Variants in CAMKK1 observed in about 807,000 individuals in gnomAD.
CAMKK1 encodes calcium/calmodulin dependent protein kinase kinase 1.
CAMKK1 carries 20 observed loss-of-function variants against 63.5 expected under a neutral mutation model. That is an observed-to-expected ratio of 0.32 (90% CI 0.22 to 0.46). The LOEUF (loss-of-function observed/expected upper bound fraction) is 0.46. Among genes scored for constraint, CAMKK1 ranks in the 20% least tolerant of loss-of-function variants. The probability of loss-of-function intolerance (pLI) is 1.00; values close to 1 mark genes in which losing one functional copy is unlikely to be tolerated. For synonymous variants in CAMKK1, 253 were observed against 269.0 expected (o/e 0.94, Z 0.58); for missense variants, 588 against 658.1 (o/e 0.89, Z 1.17).
chr17:3,868,691 CAA>C, intron 14 of CAMKK1, among the ~76,000 whole-genome samples: 2 of 151,846 alleles, frequency 1.3e-5, no homozygotes, highest in Non-Finnish European at 2.9e-5. Context: ...CTCGTTCTGT[CAA>C]CCAGGCTGGA....
chr17:3,867,701 G>T (rs2143791818), intron 14 of CAMKK1, among the ~76,000 whole-genome samples: 1 of 152,210 alleles, frequency 6.6e-6, no homozygotes, highest in East Asian at 1.9e-4. Context: ...TCCCAGCTGG[G>T]CCGGGACCCT....
rs373608654 is a variant in CAMKK1, at chr17:3,866,162, G to A, written c.1342-151C>T. 165 of 915,662 alleles carry A rather than the reference G, an allele frequency of 1.8e-4. 2 individuals are homozygous for A. The highest frequency in any genetic ancestry group is 1.5e-3 in the African/African-American group (90 of 60,334). The allele number at this position is 915,662 out of a possible 1,614,324, so 56.7% of individuals were successfully genotyped here. A position where few individuals can be genotyped will look rare whatever the true frequency, so the allele number is the denominator to read the frequency against. Reference sequence around the variant, plus strand: ...CATGAAATGGCAGAGGCAAGAACACGGGGCGCTGGCAGCTGGGGGCATATT... The same window carrying A: ...CATGAAATGGCAGAGGCAAGAACACAGGGCGCTGGCAGCTGGGGGCATATT... On this transcript the variant is annotated intron_variant, in intron 14 of 15. Transcript: ENST00000348335.
At chr17:3,888,846 C>T (rs934456115) in intron 1 of CAMKK1, among the ~76,000 whole-genome samples, 2 of 152,076 alleles carry the variant, frequency 1.3e-5, no homozygotes, top group Non-Finnish European at 1.5e-5. Flanking sequence ...GCCCCGGCCG[C>T]GTGTGTGAGG....
intron 12 of CAMKK1, among the ~76,000 whole-genome samples, chr17:3,870,466 T>G: frequency 6.6e-6 from 1 of 151,758 alleles, no homozygotes; most frequent in East Asian, 1.9e-4. Context: ...CCCAGGTTCA[T>G]GCCATTCTCC....
chr17:3,867,743 C>T (rs188980288), intron 14 of CAMKK1, among the ~76,000 whole-genome samples: 38 of 152,228 alleles, frequency 2.5e-4, no homozygotes, highest in Middle Eastern at 3.4e-3. Flanking sequence ...GGCCAGGCCC[C>T]GCCAACGGCA....
At chr17:3,871,379 G>A (rs1266745140) in intron 12 of CAMKK1, among the ~76,000 whole-genome samples, 1 of 94,272 alleles carries the variant, frequency 1.1e-5, no homozygotes, top group Non-Finnish European at 1.9e-5. Context: ...TTTTGAGACA[G>A]AGTCTCGCTC....
In CAMKK1 at chr17:3,890,218, C is replaced by T. The variant is rs1397309633; in HGVS notation, c.-44+2721G>A. On this transcript the variant is annotated intron_variant, in intron 1 of 15. Coordinates refer to ENST00000348335, the MANE Select transcript of CAMKK1 (RefSeq NM_032294.3). The surrounding 1 kb of genome is among the most constrained non-coding windows in gnomAD (Gnocchi z 6.5). ...GCTCCCGCCCCCACCCGGGATGACTCAGTCCCCTTGAGGGAGGCCCAGGCG... is the reference window on the plus strand; with the variant it reads ...GCTCCCGCCCCCACCCGGGATGACTTAGTCCCCTTGAGGGAGGCCCAGGCG... Among the ~76,000 whole-genome samples, 2 of 152,210 alleles carry T rather than the reference C, an allele frequency of 1.3e-5. No individual in the cohort carries two copies. Among genetic ancestry groups the T allele is most frequent in the African/African-American group, 4.8e-5 (2 of 41,452 alleles).
rs769996185 is a variant in CAMKK1 at position 3,862,078 on chromosome 17, C to T, written c.*133G>A. On this transcript the variant is annotated 3_prime_UTR_variant, in exon 16 of 16. Coordinates refer to ENST00000348335, the MANE Select transcript of CAMKK1 (RefSeq NM_032294.3). The surrounding 1 kb of genome is among the most constrained non-coding windows in gnomAD (Gnocchi z 4.1). The stretch of plus-strand genomic sequence containing the variant: ...GTGCGTGCGTGGAGGTCATGCAGCA[C>T]GATGGGGGAGGGGCGGGAGTGGGGC... 101 of 682,250 alleles carry T rather than the reference C, an allele frequency of 1.5e-4. No homozygotes were observed. The highest frequency in any genetic ancestry group is 2.4e-4 in the Non-Finnish European group (93 of 393,516). The allele number at this position is 682,250 out of a possible 1,614,324, so 42.3% of individuals were successfully genotyped here.
At chr17:3,874,680 G>A (rs915594574) in intron 10 of CAMKK1, among the ~76,000 whole-genome samples, 1 of 150,650 alleles carries the variant, frequency 6.6e-6, no homozygotes, top group African/African-American at 2.4e-5. Flanking sequence ...GCTAATTTTT[G>A]TATTTTTTAG....
At chr17:3,886,821 A>G (rs2055674458) in intron 1 of CAMKK1, among the ~76,000 whole-genome samples, 1 of 152,032 alleles carries the variant, frequency 6.6e-6, no homozygotes, top group African/African-American at 2.4e-5. Context: ...ACTCAGCCTG[A>G]GACCCCCATC....
chr17:3,872,404 C>A (rs2054927974), intron 12 of CAMKK1, 150 bp downstream of exon 12: 3 of 647,444 alleles, frequency 4.6e-6, no homozygotes, highest in Non-Finnish European at 8.3e-6. Context: ...TCCCTCCCGT[C>A]CATCTATTCA....
intron 11 of CAMKK1, 64 bp from the exon 12 acceptor site, chr17:3,872,691 AC>A (rs1264361647): frequency 7.0e-6 from 10 of 1,425,966 alleles, no homozygotes; most frequent in South Asian, 2.3e-5. Flanking sequence ...CAGGGGATCA[AC>A]CCCCCTCCCT....
At chr17:3,880,010 A>G in intron 9 of CAMKK1, 1 of 317,608 alleles carries the variant, frequency 3.1e-6, no homozygotes, top group South Asian at 3.8e-5. Flanking sequence ...CAGCAGCTGG[A>G]CATAAATCCC....
At chr17:3,886,943 C>T (rs2055680362) in intron 1 of CAMKK1, among the ~76,000 whole-genome samples, 1 of 152,210 alleles carries the variant, frequency 6.6e-6, no homozygotes, top group Non-Finnish European at 1.5e-5. Flanking sequence ...TCCTGACCCT[C>T]CATCCTTCCT....
At chr17:3,877,202 T>A (rs1425434037) in intron 9 of CAMKK1, among the ~76,000 whole-genome samples, 1 of 152,118 alleles carries the variant, frequency 6.6e-6, no homozygotes, top group Non-Finnish European at 1.5e-5. Context: ...GAGAGTAAGA[T>A]TGTAGGGACT....
intron 1 of CAMKK1, among the ~76,000 whole-genome samples, chr17:3,888,293 G>A (rs1324081062): frequency 6.6e-6 from 1 of 152,236 alleles, no homozygotes; most frequent in African/African-American, 2.4e-5. Context: ...ACCTTTCCCT[G>A]CTTTTCTTAG....
chr17:3,882,022 C>T lies in CAMKK1; in HGVS notation c.686-374G>A, dbSNP rs1170360951. 4 of 526,540 alleles carry T rather than the reference C, an allele frequency of 7.6e-6. No homozygotes were observed. Among genetic ancestry groups the T allele is most frequent in the Non-Finnish European group, 1.3e-5 (4 of 299,016 alleles). 32.6% of individuals were successfully genotyped at this position (526,540 alleles called of 1,614,324 possible). ...ATTCCTAAGCCAGTTCTTCTTCTGC[C>T]CCATTTTCTGAGGCCTCCTCTAAGC... On this transcript the variant is annotated intron_variant, in intron 7 of 15. Coordinates refer to ENST00000348335, the MANE Select transcript of CAMKK1 (RefSeq NM_032294.3). The surrounding 1 kb of genome is among the most constrained non-coding windows in gnomAD (Gnocchi z 4.3).
chr17:3,865,600 G>A (rs1567609633), intron 15 of CAMKK1: 28 of 1,197,826 alleles, frequency 2.3e-5, no homozygotes, highest in Non-Finnish European at 2.5e-5. Flanking sequence ...CAGTGAGAGA[G>A]TGACATCAAG....
chr17:3,865,036 TC>T, intron 15 of CAMKK1: 2 of 790,732 alleles, frequency 2.5e-6, no homozygotes, highest in Non-Finnish European at 3.1e-6. Context: ...ACCAGCCCCT[TC>T]CCCAAAGCTT....
Sources: allele counts gnomAD v4.1 joint callset (sites outside exome capture counted in the v4.1 genomes callset), GRCh38; gene constraint gnomAD v4.1.1; non-coding constraint Gnocchi (gnomAD v3.1); transcripts MANE v1.5; gene names NCBI Gene and HGNC (gene_info 2026-07-23, HGNC 2026-07-21).